SV2B: variants seen among roughly 807,000 people sequenced by gnomAD.
SV2B encodes the protein synaptic vesicle glycoprotein 2B, also known as solute carrier family 22 member B2.
Under a neutral mutation model 73.9 loss-of-function variants are expected in SV2B, and 41 were observed. The ratio of observed to expected loss-of-function variants is 0.56; its 90% CI spans 0.43 to 0.72. The LOEUF is 0.72. SV2B is among the 30% of genes least tolerant of loss of function. The probability of loss-of-function intolerance (pLI) is 0.00; values close to 1 mark genes in which losing one functional copy is unlikely to be tolerated. For missense variants in SV2B, 764 were observed against 857.8 expected (o/e 0.89, Z 1.37); for synonymous variants, 314 against 314.2 (o/e 1.00, Z 0.01).
chr15:91,276,110 G>A (rs1038416438), intron 9 of SV2B, among the ~76,000 whole-genome samples: 3 of 147,736 alleles, frequency 2.0e-5, no homozygotes, highest in African/African-American at 7.5e-5. Context: ...TCACCCTATT[G>A]TCTTTTGGCT....
chr15:91,171,801 A>G (rs1596516992), intron 1 of SV2B, among the ~76,000 whole-genome samples: 2 of 152,196 alleles, frequency 1.3e-5, no homozygotes, highest in Admixed American at 1.3e-4. Flanking sequence ...AAGTCGGTGA[A>G]TTAACAATGT....
At chr15:91,101,145 G>A in intron 1 of SV2B, among the ~76,000 whole-genome samples, 1 of 152,148 alleles carries the variant, frequency 6.6e-6, no homozygotes, top group Admixed American at 6.5e-5. Flanking sequence ...CAGCCCCAGT[G>A]GGGTGGGGTG....
rs1381019025 is a variant in SV2B, at chr15:91,290,629, T to G, written c.1868+949T>G. Among the ~76,000 whole-genome samples the G allele has an allele frequency of 6.6e-6, 1 of 152,188 alleles. No individual in the cohort carries two copies. The highest frequency in any genetic ancestry group is 1.5e-5 in the Non-Finnish European group (1 of 68,030). ...GTTAAAGATGCAATTGATATCCATTTAATAATGGCAGACGTCATAAAATAA... is the reference window on the plus strand; with the variant it reads ...GTTAAAGATGCAATTGATATCCATTGAATAATGGCAGACGTCATAAAATAA... On this transcript the variant is annotated intron_variant, in intron 12 of 12. Coordinates refer to ENST00000394232, the MANE Select transcript of SV2B (RefSeq NM_001323032.3). The surrounding 1 kb of genome is among the most constrained non-coding windows in gnomAD (Gnocchi z 4.7).
intron 1 of SV2B, chr15:91,102,312 C>A (rs1172610508): frequency 7.9e-5 from 12 of 152,218 alleles, no homozygotes; most frequent in Admixed American, 7.9e-4. Flanking sequence ...GATGCTCAAA[C>A]AGACCTAGGT....
intron 1 of SV2B, among the ~76,000 whole-genome samples, chr15:91,200,307 G>A (rs1434890233): frequency 6.6e-6 from 1 of 152,224 alleles, no homozygotes; most frequent in East Asian, 1.9e-4. Flanking sequence ...GCTAGGAACA[G>A]TAAGGTACAG....
chr15:91,149,529 A>T (rs957404049), intron 1 of SV2B, among the ~76,000 whole-genome samples: 1 of 152,206 alleles, frequency 6.6e-6, no homozygotes, highest in African/African-American at 2.4e-5. Flanking sequence ...AAGAATGAGG[A>T]TCTTGTGAGG....
rs2045566449 is a variant in SV2B, at chr15:91,204,506, C to G, written c.-391-21367C>G. Among the ~76,000 whole-genome samples the G allele has an allele frequency of 2.0e-5, 3 of 150,854 alleles. No homozygotes were observed. In the South Asian group the frequency reaches 6.3e-4, roughly 32 times the overall value. ...AGGTAGTTTTTTTTTGAGATTTACA[C>G]ACATCCACCAGTGCTTATCTGGCCA... On this transcript the variant is annotated intron_variant, in intron 1 of 12. Coordinates refer to ENST00000394232, the MANE Select transcript of SV2B (RefSeq NM_001323032.3).
At chr15:91,248,172 T>C (rs1253172501) in intron 2 of SV2B, among the ~76,000 whole-genome samples, 1 of 151,916 alleles carries the variant, frequency 6.6e-6, no homozygotes, top group Non-Finnish European at 1.5e-5. Context: ...ATACAAAAAA[T>C]TAGCCGGGCG....
chr15:91,111,019 T>C (rs1014255052), intron 1 of SV2B, among the ~76,000 whole-genome samples: 88 of 152,070 alleles, frequency 5.8e-4, no homozygotes, highest in African/African-American at 2.1e-3. Flanking sequence ...AGCCAGCTTC[T>C]CCTATTTCCC....
Position 91,299,009 on chromosome 15 carries a change from C to G in SV2B, c.*6457C>G, listed in dbSNP as rs984806035. ...TAAAAATAGCTTTCCAATTCGCCAC[C>G]AAAAATGCAAAAATGACAAGTAAGT... is the stretch of plus-strand genomic sequence containing the variant. On this transcript the variant is annotated 3_prime_UTR_variant, in exon 13 of 13. Coordinates refer to ENST00000394232, the MANE Select transcript of SV2B (RefSeq NM_001323032.3). 6 of 151,944 alleles carry G rather than the reference C, an allele frequency of 3.9e-5. No individual in the cohort carries two copies. Among genetic ancestry groups the G allele is most frequent in the African/African-American group, 1.5e-4 (6 of 41,358 alleles). The allele number at this position is 151,944 out of a possible 1,614,324, so 9.4% of individuals were successfully genotyped here.
chr15:91,165,006 C>T (rs1054522695), intron 1 of SV2B, among the ~76,000 whole-genome samples: 24 of 152,112 alleles, frequency 1.6e-4, no homozygotes, highest in African/African-American at 4.3e-4. Flanking sequence ...ATATCTTTGG[C>T]GTCTGCATCT....
chr15:91,137,647 TATATATTTCATATATAC>T lies in SV2B; in HGVS notation c.-392+37301_-392+37317del, dbSNP rs750812205. Among the ~76,000 whole-genome samples, 2 of 34,284 alleles carry T rather than the reference TATATATTTCATATATAC, an allele frequency of 5.8e-5. No individual in the cohort carries two copies. The highest frequency in any genetic ancestry group is 1.4e-4 in the Non-Finnish European group (2 of 13,810). 22.5% of individuals were successfully genotyped at this position (34,284 alleles called of 152,430 possible). ...TATATACATATATTTCATATATACA[TATATATTTCATATATAC>T]ATATATTTCATATATATATACACAC... On this transcript the variant is annotated intron_variant, in intron 1 of 12. Transcript: ENST00000394232. The surrounding 1 kb of genome is among the most constrained non-coding windows in gnomAD (Gnocchi z 4.9).
chr15:91,232,779 A>G lies in SV2B; in HGVS notation c.451+6065A>G, dbSNP rs1434784054. Among the ~76,000 whole-genome samples, 1 of 152,228 alleles carries G rather than the reference A, an allele frequency of 6.6e-6. No individual in the cohort carries two copies. Among genetic ancestry groups the G allele is most frequent in the Non-Finnish European group, 1.5e-5 (1 of 68,042 alleles). ...ACATGTGCAGGTTTGTTACATAGAT[A>G]TATTGTATGATGCTGAGGTTTGGGA... On this transcript the variant is annotated intron_variant, in intron 2 of 12. Coordinates refer to ENST00000394232, the MANE Select transcript of SV2B (RefSeq NM_001323032.3). The surrounding 1 kb of genome is among the most constrained non-coding windows in gnomAD (Gnocchi z 4.7).
rs117684000 is a variant in SV2B at position 91,195,685 on chromosome 15, G to A, written c.-391-30188G>A. ...TAAGCAGCTGAGCCATTTACTCAGC[G>A]TGTGATTTTGGGTACATTACTTAAA... On this transcript the variant is annotated intron_variant, in intron 1 of 12. Transcript: ENST00000394232. Among the ~76,000 whole-genome samples, 233 of 152,316 alleles carry A rather than the reference G, an allele frequency of 1.5e-3. 4 individuals are homozygous for A. In the East Asian group the frequency reaches 0.04, roughly 26 times the overall value.
chr15:91,223,962 T>A lies in SV2B; in HGVS notation c.-391-1911T>A, dbSNP rs2046297148. 6.6e-6 allele frequency among the ~76,000 whole-genome samples: 1 copy of A among 152,242 alleles called. No individual in the cohort carries two copies. Among genetic ancestry groups the A allele is most frequent in the Non-Finnish European group, 1.5e-5 (1 of 68,042 alleles). On this transcript the variant is annotated intron_variant, in intron 1 of 12. Transcript: ENST00000394232. This position sits in a 1 kb window ranked among gnomAD's most constrained non-coding sequence, Gnocchi z 4.6. ...TCAGGGAGGGGTCCTGGAATTGGCA[T>A]TTCTGTTGAGCCGCCCACGTTCTGA...
chr15:91,170,016 A>G (rs1451096605), intron 1 of SV2B, among the ~76,000 whole-genome samples: 2 of 152,196 alleles, frequency 1.3e-5, no homozygotes, highest in Non-Finnish European at 2.9e-5. Flanking sequence ...CCATCCAGTG[A>G]TTTATTTTAG....
rs143100214 is a variant in SV2B, at chr15:91,213,605, T to G, written c.-391-12268T>G. 6.5e-3 allele frequency among the ~76,000 whole-genome samples: 990 copies of G among 152,290 alleles called. 6 individuals are homozygous for G. The highest frequency in any genetic ancestry group is 0.012 in the Non-Finnish European group (817 of 68,010). Reference sequence around the variant, plus strand: ...CTTTGCCAAATGTCCATAATTCATCTGTAAAAATTTTTACCATGTCCCTGG... The same window carrying G: ...CTTTGCCAAATGTCCATAATTCATCGGTAAAAATTTTTACCATGTCCCTGG... On this transcript the variant is annotated intron_variant, in intron 1 of 12. Coordinates refer to ENST00000394232, the MANE Select transcript of SV2B (RefSeq NM_001323032.3).
At position 91,296,396 on chromosome 15, in the gene SV2B, G is replaced by A. The variant is rs1196963128; in HGVS notation, c.*3844G>A. 6.6e-6 allele frequency: 1 copy of A among 152,346 alleles called. No homozygotes were observed. The highest frequency in any genetic ancestry group is 2.4e-5 in the African/African-American group (1 of 41,472). The allele number at this position is 152,346 out of a possible 1,614,324, so 9.4% of individuals were successfully genotyped here. ...TTTTACTCTCATGTGAAGGGAATCT[G>A]GAGGAAGGAAAGCCAGGGCTGGAGT... On this transcript the variant is annotated 3_prime_UTR_variant, in exon 13 of 13. Transcript: ENST00000394232.
At chr15:91,249,742 C>A (rs2047407857) in intron 2 of SV2B, among the ~76,000 whole-genome samples, 3 of 152,178 alleles carry the variant, frequency 2.0e-5, no homozygotes, top group African/African-American at 7.2e-5. Flanking sequence ...AAAAATTGCA[C>A]ACAACCAGTT....
Sources: gnomAD v4.1 joint callset for allele counts (sites outside exome capture counted in the v4.1 genomes callset) on GRCh38, gnomAD v4.1.1 for gene constraint, Gnocchi (gnomAD v3.1) non-coding constraint, MANE v1.5 for transcripts, NCBI Gene and HGNC (gene_info 2026-07-23, HGNC 2026-07-21) for gene names.